The following LINGO2 variants were observed in gnomAD, a reference collection of about 807,000 sequenced individuals.
LINGO2 encodes the protein leucine rich repeat and Ig domain containing 2, also known as leucine-rich repeat and immunoglobulin-like domain-containing nogo receptor-interacting protein 2.
In LINGO2, 14 loss-of-function variants were observed where a neutral mutation model predicts 30.6. The observed-to-expected ratio is 0.46, with a 90% CI of 0.30 to 0.72. The LOEUF (loss-of-function observed/expected upper bound fraction) is 0.72. Among genes scored for constraint, LINGO2 ranks in the 30% least tolerant of loss-of-function variants. The pLI, the probability that LINGO2 is intolerant of heterozygous loss-of-function variation, is 0.07. For synonymous variants in LINGO2, 317 were observed against 288.5 expected, an observed-to-expected ratio of 1.10 and a Z score of -1.00; for missense variants, 729 against 751.7, an observed-to-expected ratio of 0.97 and a Z score of 0.35.
intron 5 of LINGO2, among the ~76,000 whole-genome samples, chr9:27,957,813 G>C (rs544172623): frequency 5.3e-4 from 80 of 152,320 alleles, no homozygotes; most frequent in African/African-American, 1.8e-3. Flanking sequence ...TATTATAACA[G>C]TATTGAACAA....
the LINGO2 span, among the ~76,000 whole-genome samples, chr9:29,018,333 G>T: frequency 6.6e-6 from 1 of 151,744 alleles, no homozygotes; most frequent in African/African-American, 2.4e-5. Flanking sequence ...AGCATGGGCT[G>T]TAAAAACACC....
chr9:28,763,132 C>T, the LINGO2 span, among the ~76,000 whole-genome samples: 1 of 152,134 alleles, frequency 6.6e-6, no homozygotes, highest in East Asian at 1.9e-4. Flanking sequence ...ACAACCTTAT[C>T]CTTCTGAAAT....
chr9:29,088,428 T>C, the LINGO2 span, among the ~76,000 whole-genome samples: 5 of 152,128 alleles, frequency 3.3e-5, no homozygotes, highest in African/African-American at 1.2e-4. Flanking sequence ...GGCATGACTA[T>C]AAAGGCATCC....
At chr9:28,800,228 C>T in the LINGO2 span, among the ~76,000 whole-genome samples, 2 of 152,058 alleles carry the variant, frequency 1.3e-5, no homozygotes, top group African/African-American at 4.8e-5. Context: ...AAAATCAACT[C>T]GGTAGTCAGC....
chr9:28,719,911 T>G, the LINGO2 span, among the ~76,000 whole-genome samples: 1 of 152,026 alleles, frequency 6.6e-6, no homozygotes, highest in African/African-American at 2.4e-5. Flanking sequence ...TCAAATTAAT[T>G]TTTAAATTTT....
the LINGO2 span, among the ~76,000 whole-genome samples, chr9:28,923,831 G>T: frequency 3.4e-4 from 52 of 152,182 alleles, no homozygotes; most frequent in African/African-American, 1.3e-3. Context: ...ACTAGTGAGT[G>T]ACCAAATAAT....
At chr9:29,185,144 A>G in the LINGO2 span, among the ~76,000 whole-genome samples, 1 of 152,018 alleles carries the variant, frequency 6.6e-6, no homozygotes, top group Non-Finnish European at 1.5e-5. Context: ...ACTAGGCTCT[A>G]TTCCACAGAG....
At chr9:28,694,304 G>T in the LINGO2 span, among the ~76,000 whole-genome samples, 3 of 151,886 alleles carry the variant, frequency 2.0e-5, no homozygotes, top group Non-Finnish European at 1.5e-5. Context: ...GTTTCCAAAT[G>T]ATTTATGAAG....
the LINGO2 span, among the ~76,000 whole-genome samples, chr9:29,017,749 C>T: frequency 1.3e-5 from 2 of 152,032 alleles, no homozygotes; most frequent in Non-Finnish European, 2.9e-5. Flanking sequence ...TGAGAACCCA[C>T]AGGAGATCCA....
intron 5 of LINGO2, among the ~76,000 whole-genome samples, chr9:27,964,987 C>G (rs1820027190): frequency 6.6e-6 from 1 of 152,008 alleles, no homozygotes; most frequent in African/African-American, 2.4e-5. Context: ...CAGAGCAATC[C>G]CAATACAGCA....
chr9:29,074,251 T>C, the LINGO2 span, among the ~76,000 whole-genome samples: 2 of 152,070 alleles, frequency 1.3e-5, no homozygotes, highest in African/African-American at 2.4e-5. Flanking sequence ...ATGAAGTCAA[T>C]CAACAGAGAC....
chr9:28,282,093 G>A (rs754831647), intron 4 of LINGO2, among the ~76,000 whole-genome samples: 1 of 152,074 alleles, frequency 6.6e-6, no homozygotes. Context: ...TTACCTGGGT[G>A]GAATTTGATT....
At chr9:28,427,338 T>C (rs1343045799) in intron 2 of LINGO2, among the ~76,000 whole-genome samples, 2 of 152,102 alleles carry the variant, frequency 1.3e-5, no homozygotes, top group Non-Finnish European at 2.9e-5. Context: ...CACATGTTCC[T>C]GCTTAAGAGA....
chr9:29,033,624 A>G, the LINGO2 span, among the ~76,000 whole-genome samples: 1 of 151,698 alleles, frequency 6.6e-6, no homozygotes, highest in African/African-American at 2.4e-5. Flanking sequence ...CCATTCCATG[A>G]TTGCATCTTC....
At position 28,005,071 on chromosome 9, in the gene LINGO2, T is replaced by G. The variant is rs148513968; in HGVS notation, c.-36+7284A>C. ...CATAATTAGGCAGTACATCTGAAAG[T>G]GGCAGGATACAGTTGTTTCCTTCCC... is the stretch of plus-strand genomic sequence containing the variant. On this transcript the variant is annotated intron_variant, in intron 5 of 5. Coordinates refer to ENST00000379992, the Ensembl canonical transcript of LINGO2. 4.1e-3 allele frequency among the ~76,000 whole-genome samples: 622 copies of G among 152,310 alleles called. 3 individuals carry two copies. The highest frequency in any genetic ancestry group is 7.5e-3 in the Non-Finnish European group (511 of 68,014).
chr9:29,173,378 T>C, the LINGO2 span, among the ~76,000 whole-genome samples: 13 of 152,120 alleles, frequency 8.5e-5, no homozygotes, highest in African/African-American at 2.4e-4. Context: ...ACATGGCAGA[T>C]AGAAAACTAG....
chr9:28,479,156 A>G (rs1825835454), intron 1 of LINGO2, among the ~76,000 whole-genome samples: 1 of 152,040 alleles, frequency 6.6e-6, no homozygotes, highest in African/African-American at 2.4e-5. Flanking sequence ...CTATCATTAC[A>G]AAAATGAACT....
intron 3 of LINGO2, among the ~76,000 whole-genome samples, chr9:28,305,188 A>G (rs956606239): frequency 1.3e-5 from 2 of 152,118 alleles, no homozygotes; most frequent in African/African-American, 2.4e-5. Flanking sequence ...AATTCCTCAT[A>G]AAAACTTTAA....
chr9:28,477,109 A>G (rs556835698), intron 1 of LINGO2, among the ~76,000 whole-genome samples: 46 of 152,332 alleles, frequency 3.0e-4, no homozygotes, highest in African/African-American at 1.1e-3. Context: ...AACTATAATG[A>G]GGAAAAAAAT....
Sources: allele counts gnomAD v4.1 joint callset (sites outside exome capture counted in the v4.1 genomes callset), GRCh38; gene constraint gnomAD v4.1.1; transcripts MANE v1.5; gene names NCBI Gene and HGNC (gene_info 2026-07-23, HGNC 2026-07-21).